SORCS3: variants seen among roughly 807,000 people sequenced by gnomAD.
The protein encoded by SORCS3 is sortilin related VPS10 domain containing receptor 3.
SORCS3 carries 57 observed loss-of-function variants against 146.3 expected under a neutral mutation model. The ratio of observed to expected loss-of-function variants is 0.39; its 90% CI spans 0.31 to 0.49. The LOEUF (loss-of-function observed/expected upper bound fraction) is 0.49. Among genes scored for constraint, SORCS3 ranks in the 20% least tolerant of loss-of-function variants. SORCS3 has a pLI of 0.92. For missense variants in SORCS3, 1,341 were observed against 1,575.5 expected (o/e 0.85, Z 2.52); for synonymous variants, 653 against 618.5 (o/e 1.06, Z -0.83).
At chr10:105,004,267 A>G (rs969855168) in intron 4 of SORCS3, among the ~76,000 whole-genome samples, 2 of 152,088 alleles carry the variant, frequency 1.3e-5, no homozygotes, top group African/African-American at 4.8e-5. Flanking sequence ...CTGGGAGCAG[A>G]AGGTTGACCT....
At chr10:104,669,424 C>A (rs2015824421) in intron 1 of SORCS3, among the ~76,000 whole-genome samples, 1 of 152,178 alleles carries the variant, frequency 6.6e-6, no homozygotes, top group Admixed American at 6.5e-5. Flanking sequence ...CCAGCCCTGA[C>A]AACCATCATT....
intron 1 of SORCS3, among the ~76,000 whole-genome samples, chr10:104,840,283 G>T (rs1211305019): frequency 1.3e-5 from 2 of 152,198 alleles, no homozygotes; most frequent in East Asian, 3.9e-4. Flanking sequence ...TGCTCATGAT[G>T]CTTCCTCCAT....
chr10:105,076,107 T>C (rs1476546570), intron 5 of SORCS3, among the ~76,000 whole-genome samples: 1 of 152,246 alleles, frequency 6.6e-6, no homozygotes, highest in Non-Finnish European at 1.5e-5. Context: ...CATCATTTCA[T>C]TTCATCATTT....
intron 11 of SORCS3, among the ~76,000 whole-genome samples, chr10:105,163,878 GCA>G (rs1252153357): frequency 7.1e-5 from 8 of 112,448 alleles, no homozygotes; most frequent in Non-Finnish European, 3.7e-5. Flanking sequence ...ACACAGTTAC[GCA>G]CATACACACA....
At chr10:104,721,196 G>A (rs12761138) in intron 1 of SORCS3, among the ~76,000 whole-genome samples, 29,943 of 151,892 alleles carry the variant, frequency 0.2, 3,158 homozygotes, top group Non-Finnish European at 0.25. Context: ...TCTACATATG[G>A]CTAGCCAGTT....
chr10:104,844,475 A>G (rs992553436), intron 2 of SORCS3, among the ~76,000 whole-genome samples: 7 of 152,182 alleles, frequency 4.6e-5, no homozygotes, highest in East Asian at 1.9e-4. Context: ...GCTTAATGCT[A>G]GAGGCCTTCA....
chr10:104,915,701 T>A, intron 2 of SORCS3, 132 bp from the exon 3 acceptor site: 1 of 709,112 alleles, frequency 1.4e-6, no homozygotes, highest in Non-Finnish European at 2.5e-6. Context: ...ATGGGGCTTT[T>A]TATCTCTGAA....
intron 1 of SORCS3, among the ~76,000 whole-genome samples, chr10:104,786,172 A>G (rs895434343): frequency 6.6e-6 from 1 of 151,668 alleles, no homozygotes; most frequent in South Asian, 2.1e-4. Flanking sequence ...TTTAGTTTCT[A>G]TATGTCAAGT....
chr10:104,925,573 T>G (rs2019136713), intron 3 of SORCS3, among the ~76,000 whole-genome samples: 2 of 152,212 alleles, frequency 1.3e-5, no homozygotes, highest in Non-Finnish European at 2.9e-5. Flanking sequence ...CCCAAACCTT[T>G]AGGAAAAAGC....
chr10:105,252,380 A>G (rs1451533222), intron 22 of SORCS3, among the ~76,000 whole-genome samples: 1 of 152,146 alleles, frequency 6.6e-6, no homozygotes, highest in Non-Finnish European at 1.5e-5. Context: ...TTAAATTTGC[A>G]TTTTCCCATG....
intron 2 of SORCS3, among the ~76,000 whole-genome samples, chr10:104,899,610 C>T (rs1564708970): frequency 6.6e-6 from 1 of 152,182 alleles, no homozygotes; most frequent in Non-Finnish European, 1.5e-5. Flanking sequence ...AAAATGACAA[C>T]TACTTAGCTT....
At chr10:105,073,554 A>T (rs370713898) in intron 5 of SORCS3, among the ~76,000 whole-genome samples, 25 of 152,032 alleles carry the variant, frequency 1.6e-4, no homozygotes, top group Non-Finnish European at 2.9e-4. Context: ...GGGCCTTTCC[A>T]TGAGGCTACT....
intron 1 of SORCS3, among the ~76,000 whole-genome samples, chr10:104,760,598 A>G (rs1347588100): frequency 6.6e-6 from 1 of 152,180 alleles, no homozygotes; most frequent in African/African-American, 2.4e-5. Flanking sequence ...TATTATTGTA[A>G]TAACTTTGAG....
intron 1 of SORCS3, among the ~76,000 whole-genome samples, chr10:104,686,479 C>G (rs1243268563): frequency 2.6e-5 from 4 of 152,146 alleles, no homozygotes; most frequent in Non-Finnish European, 4.4e-5. Flanking sequence ...GTCGTGAGCT[C>G]TGGACACCCA....
At chr10:104,784,635 C>G (rs11596250) in intron 1 of SORCS3, among the ~76,000 whole-genome samples, 23,328 of 152,170 alleles carry the variant, frequency 0.15, 2,285 homozygotes, top group Middle Eastern at 0.28. Context: ...AGCTCCCTGA[C>G]TCTGCAGGAT....
At chr10:104,643,491 A>C (rs1217097733) in intron 1 of SORCS3, among the ~76,000 whole-genome samples, 1 of 152,308 alleles carries the variant, frequency 6.6e-6, no homozygotes, top group East Asian at 1.9e-4. Context: ...GGCGGGCTTC[A>C]TCTGCCTGGG....
chr10:105,154,069 G>GAAAA (rs59868914), intron 9 of SORCS3, among the ~76,000 whole-genome samples: 3,402 of 76,040 alleles, frequency 0.045, 190 homozygotes, highest in Non-Finnish European at 0.067. Context: ...GACTCCATCT[G>GAAAA]AAAAAAAAAA....
At chr10:104,698,376 C>T (rs1232232963) in intron 1 of SORCS3, among the ~76,000 whole-genome samples, 1 of 152,222 alleles carries the variant, frequency 6.6e-6, no homozygotes, top group Middle Eastern at 3.4e-3. Context: ...GTGGTGTACA[C>T]AAAGACTGAG....
At chr10:105,150,610 G>A (rs138769273) in intron 9 of SORCS3, among the ~76,000 whole-genome samples, 231 of 152,288 alleles carry the variant, frequency 1.5e-3, no homozygotes, top group Middle Eastern at 6.8e-3. Context: ...AGCTAGCCAG[G>A]CTAATTGTGT....
Sources: allele counts gnomAD v4.1 joint callset (sites outside exome capture counted in the v4.1 genomes callset), GRCh38; gene constraint gnomAD v4.1.1; transcripts MANE v1.5; gene names NCBI Gene and HGNC (gene_info 2026-07-23, HGNC 2026-07-21).